The following ATRNL1 variants were observed in gnomAD, a reference collection of about 807,000 sequenced individuals.
ATRNL1 encodes the protein attractin-like protein 1.
A neutral mutation model predicts 182.7 loss-of-function variants in ATRNL1; 95 were observed. The observed-to-expected ratio is 0.52, with a 90% CI of 0.44 to 0.62. ATRNL1 has a LOEUF of 0.62. ATRNL1 is among the 20% of genes least tolerant of loss of function. The probability of loss-of-function intolerance (pLI) is 0.00; values close to 1 mark genes in which losing one functional copy is unlikely to be tolerated. For synonymous variants in ATRNL1, 576 were observed against 568.3 expected (o/e 1.01, Z -0.19); for missense variants, 1,471 against 1,679.5 (o/e 0.88, Z 2.17).
At chr10:115,928,289 C>A (rs573640608) in intron 28 of ATRNL1, among the ~76,000 whole-genome samples, 2 of 152,056 alleles carry the variant, frequency 1.3e-5, no homozygotes, top group East Asian at 3.9e-4. Flanking sequence ...TTCATGAATG[C>A]AAATTAAAGC....
chr10:115,383,681 A>T (rs1328933499), intron 19 of ATRNL1, among the ~76,000 whole-genome samples: 1 of 152,010 alleles, frequency 6.6e-6, no homozygotes, highest in African/African-American at 2.4e-5. Context: ...AAAATATACA[A>T]ATATTCAGAA....
chr10:115,392,070 G>A (rs1016924694), intron 19 of ATRNL1, among the ~76,000 whole-genome samples: 11 of 152,174 alleles, frequency 7.2e-5, no homozygotes, highest in African/African-American at 1.4e-4. Context: ...CACACAGATC[G>A]ATACAAGTAG....
intron 27 of ATRNL1, among the ~76,000 whole-genome samples, chr10:115,759,291 A>G (rs538728300): frequency 1.1e-4 from 16 of 152,262 alleles, no homozygotes; most frequent in African/African-American, 3.6e-4. Flanking sequence ...GTGAATACAT[A>G]TTTGGGTTGT....
At chr10:115,627,152 C>T (rs538224504) in intron 26 of ATRNL1, among the ~76,000 whole-genome samples, 2 of 152,248 alleles carry the variant, frequency 1.3e-5, no homozygotes, top group South Asian at 4.2e-4. Flanking sequence ...CATTACAGCA[C>T]CACAAAATAA....
At chr10:115,454,856 A>G (rs1847447691) in intron 21 of ATRNL1, among the ~76,000 whole-genome samples, 1 of 152,006 alleles carries the variant, frequency 6.6e-6, no homozygotes, top group Admixed American at 6.6e-5. Context: ...CAGCAAACAG[A>G]GATTACTTTT....
intron 17 of ATRNL1, among the ~76,000 whole-genome samples, chr10:115,309,601 T>C (rs1853913054): frequency 6.6e-6 from 1 of 152,194 alleles, no homozygotes. Context: ...GCAGTGCTAC[T>C]GATCAGTGTA....
At chr10:115,868,735 G>T (rs1231786109) in intron 28 of ATRNL1, among the ~76,000 whole-genome samples, 1 of 151,642 alleles carries the variant, frequency 6.6e-6, no homozygotes, top group African/African-American at 2.4e-5. Flanking sequence ...ATACTGATGT[G>T]GCTCAAAAGA....
chr10:115,492,987 G>C (rs1849380851), intron 24 of ATRNL1, among the ~76,000 whole-genome samples: 2 of 151,858 alleles, frequency 1.3e-5, no homozygotes, highest in Admixed American at 1.3e-4. Context: ...GCTTCATTTT[G>C]TCATTCATAT....
intron 27 of ATRNL1, among the ~76,000 whole-genome samples, chr10:115,822,234 G>C (rs928455508): frequency 6.6e-6 from 1 of 152,120 alleles, no homozygotes; most frequent in Non-Finnish European, 1.5e-5. Context: ...AAACCAATGA[G>C]AACAAGAACA....
At chr10:115,820,241 C>T (rs1458346880) in intron 27 of ATRNL1, 2 of 152,068 alleles carry the variant, frequency 1.3e-5, no homozygotes, top group African/African-American at 4.8e-5. Flanking sequence ...TTCATTCTGT[C>T]CCACATAAGT....
intron 26 of ATRNL1, among the ~76,000 whole-genome samples, chr10:115,622,664 C>T (rs1165760203): frequency 1.5e-5 from 2 of 134,090 alleles, no homozygotes; most frequent in East Asian, 3.9e-4. Flanking sequence ...CGGTGGCTCA[C>T]GCCTTGTAAT....
At chr10:115,371,267 G>A (rs1157888221) in intron 19 of ATRNL1, among the ~76,000 whole-genome samples, 2 of 152,154 alleles carry the variant, frequency 1.3e-5, no homozygotes, top group African/African-American at 4.8e-5. Flanking sequence ...CCCACTAGGT[G>A]TGATGCCTAG....
In ATRNL1 at chr10:115,461,998, A is replaced by G. The variant is rs1046333192; in HGVS notation, c.3380A>G (p.His1127Arg). Residue 1127 changes from histidine to arginine, a missense_variant, in exon 22 of 29, where the codon CAC (histidine) becomes CGC (arginine). Physicochemically the swap from His to Arg is conservative, Grantham distance 29. Coordinates refer to ENST00000355044, the MANE Select transcript of ATRNL1 (RefSeq NM_207303.4). ...AGCTTATTACAGGAAGATGATCGCC[A>G]CCATACTGCCATAAACTTTATAGCA... ...TFSLLQEDDR[H>R]HTAINFIANP... 4.3e-6 allele frequency: 7 copies of G among 1,611,264 alleles called. No individual in the cohort carries two copies. In the Admixed American group the frequency reaches 5.0e-5, roughly 12 times the overall value.
chr10:115,694,943 AC>A (rs1946510545), intron 26 of ATRNL1, among the ~76,000 whole-genome samples: 2 of 44,396 alleles, frequency 4.5e-5, no homozygotes, highest in African/African-American at 1.8e-4. Context: ...GCACACACGC[AC>A]ACACACACAC....
intron 15 of ATRNL1, among the ~76,000 whole-genome samples, chr10:115,295,856 G>A (rs944818659): frequency 6.6e-6 from 1 of 152,044 alleles, no homozygotes; most frequent in Non-Finnish European, 1.5e-5. Context: ...GCCTGTGTGG[G>A]CTTGGTGGAA....
Position 115,165,607 on chromosome 10 carries a change from C to A in ATRNL1, c.1054C>A (p.Pro352Thr). The A allele has an allele frequency of 1.3e-6, 2 of 1,548,868 alleles. No homozygotes were observed. Among genetic ancestry groups the A allele is most frequent in the Non-Finnish European group, 1.8e-6 (2 of 1,138,968 alleles). Residue 352 changes from proline (P) to threonine (T), a missense_variant, in exon 7 of 29, where the codon CCT (proline) becomes ACT (threonine). Pro to Thr is a conservative substitution (Grantham distance 38). Coordinates refer to ENST00000355044, the MANE Select transcript of ATRNL1 (RefSeq NM_207303.4). ...GAATGTAGGAACTCCATCAAGGGGA[C>A]CTCTCCAGAGATATGGACACTCTCT... The part of the protein sequence containing the change: ...IWNVGTPSRG[P>T]LQRYGHSLAL...
intron 28 of ATRNL1, among the ~76,000 whole-genome samples, chr10:115,893,839 G>T (rs782014210): frequency 6.6e-6 from 1 of 152,144 alleles, no homozygotes; most frequent in Non-Finnish European, 1.5e-5. Context: ...ACAGATGTTT[G>T]GTGTGGATAT....
At chr10:115,609,500 T>C (rs1467348342) in intron 26 of ATRNL1, among the ~76,000 whole-genome samples, 2 of 152,300 alleles carry the variant, frequency 1.3e-5, no homozygotes, top group East Asian at 3.8e-4. Context: ...TAAATCTTTG[T>C]TTTTATGAAT....
At chr10:115,325,047 G>T (rs1554932744) in intron 18 of ATRNL1, among the ~76,000 whole-genome samples, 1 of 152,048 alleles carries the variant, frequency 6.6e-6, no homozygotes, top group East Asian at 1.9e-4. Flanking sequence ...TTGTCACAAA[G>T]ATATTTTTAA....
Sources: gnomAD v4.1 joint callset for allele counts (sites outside exome capture counted in the v4.1 genomes callset) on GRCh38, gnomAD v4.1.1 for gene constraint, MANE v1.5 for transcripts, NCBI Gene and HGNC (gene_info 2026-07-23, HGNC 2026-07-21) for gene names.